Variants in TRIM44 observed in about 807,000 individuals in gnomAD.
TRIM44 encodes tripartite motif-containing protein 44.
A neutral mutation model predicts 37.4 loss-of-function variants in TRIM44; 13 were observed. The observed-to-expected ratio is 0.35, with a 90% CI of 0.23 to 0.55. The LOEUF (loss-of-function observed/expected upper bound fraction) is 0.55, where lower values mean the gene tolerates loss of function less well. Among genes scored for constraint, TRIM44 ranks in the 20% least tolerant of loss-of-function variants. TRIM44 has a pLI of 0.89. For missense variants in TRIM44, 426 were observed against 437.2 expected (o/e 0.97, Z 0.23); for synonymous variants, 175 against 157.2 (o/e 1.11, Z -0.85).
At chr11:35,671,664 A>C (rs1464891828) in intron 1 of TRIM44, among the ~76,000 whole-genome samples, 4 of 152,212 alleles carry the variant, frequency 2.6e-5, no homozygotes, top group African/African-American at 9.7e-5. Context: ...GAGCAGAAAA[A>C]CAGGGTGATC....
At chr11:35,674,836 G>C (rs1383360205) in intron 1 of TRIM44, among the ~76,000 whole-genome samples, 3 of 152,126 alleles carry the variant, frequency 2.0e-5, no homozygotes. Context: ...TTAGAGAAAA[G>C]GTACAAACAG....
chr11:35,697,685 T>C (rs548994528), intron 2 of TRIM44, among the ~76,000 whole-genome samples: 4 of 152,096 alleles, frequency 2.6e-5, no homozygotes, highest in South Asian at 2.1e-4. Flanking sequence ...TTCCCACCTA[T>C]GAGTGAGAAT....
intron 4 of TRIM44, among the ~76,000 whole-genome samples, chr11:35,745,317 A>G (rs1852473906): frequency 6.6e-6 from 1 of 152,140 alleles, no homozygotes; most frequent in African/African-American, 2.4e-5. Flanking sequence ...GGCTACTTGT[A>G]TGTCTTCTTT....
chr11:35,718,236 G>A (rs544020020), intron 2 of TRIM44, among the ~76,000 whole-genome samples: 30 of 152,158 alleles, frequency 2.0e-4, no homozygotes, highest in African/African-American at 7.0e-4. Flanking sequence ...TGACAAATCT[G>A]GGTATAAGGT....
rs759094125 is a variant in TRIM44, at chr11:35,735,406, T to C, written c.988-20T>C. The C allele has an allele frequency of 2.7e-5, 44 of 1,613,514 alleles. No individual in the cohort carries two copies. The Admixed American group carries it at 6.0e-4, about 22-fold the overall frequency. ...ACCAACAGTGATTTCTAATACTGTT[T>C]CTTTCTGTTTGTCTTTCAGGGCGAT... On this transcript the variant is annotated intron_variant, in intron 3 of 4. Transcript: ENST00000299413.
chr11:35,693,864 A>C (rs1470970869), intron 2 of TRIM44, among the ~76,000 whole-genome samples: 1 of 152,134 alleles, frequency 6.6e-6, no homozygotes, highest in South Asian at 2.1e-4. Context: ...CTGTATGCAA[A>C]CATTTAAAAC....
At chr11:35,697,389 A>G (rs1157117076) in intron 2 of TRIM44, among the ~76,000 whole-genome samples, 8 of 148,200 alleles carry the variant, frequency 5.4e-5, no homozygotes, top group East Asian at 2.0e-4. Context: ...CAAAGGACAT[A>G]AACTCATCCT....
At chr11:35,678,790 G>A (rs1401535766) in intron 1 of TRIM44, among the ~76,000 whole-genome samples, 1 of 152,088 alleles carries the variant, frequency 6.6e-6, no homozygotes, top group Non-Finnish European at 1.5e-5. Context: ...AGTAGAGATA[G>A]GGTTTCTCCA....
At chr11:35,780,874 C>T (rs1020280736) in intron 4 of TRIM44, among the ~76,000 whole-genome samples, 1 of 150,904 alleles carries the variant, frequency 6.6e-6, no homozygotes, top group East Asian at 2.0e-4. Context: ...TTATTAAGCA[C>T]CTACATTATG....
At chr11:35,673,782 C>T (rs2135484848) in intron 1 of TRIM44, among the ~76,000 whole-genome samples, 1 of 152,200 alleles carries the variant, frequency 6.6e-6, no homozygotes, top group South Asian at 2.1e-4. Context: ...TTCTTAGGCT[C>T]CTCTGGTGAT....
intron 4 of TRIM44, among the ~76,000 whole-genome samples, chr11:35,749,498 A>G (rs1226675921): frequency 6.6e-6 from 1 of 152,242 alleles, no homozygotes; most frequent in Non-Finnish European, 1.5e-5. Flanking sequence ...CAGCCTGGCC[A>G]ACATGGCAAA....
chr11:35,716,858 C>A (rs1852044703), intron 2 of TRIM44, among the ~76,000 whole-genome samples: 1 of 152,116 alleles, frequency 6.6e-6, no homozygotes, highest in African/African-American at 2.4e-5. Context: ...TGAATTTGGG[C>A]AGGTTTCTTA....
chr11:35,710,229 AT>A (rs1851950818), intron 2 of TRIM44, among the ~76,000 whole-genome samples: 1 of 152,162 alleles, frequency 6.6e-6, no homozygotes, highest in African/African-American at 2.4e-5. Context: ...TTCAGGCCAT[AT>A]TTAGTTTGCT....
intron 2 of TRIM44, among the ~76,000 whole-genome samples, chr11:35,715,551 C>G (rs896322793): frequency 2.0e-5 from 3 of 151,716 alleles, no homozygotes; most frequent in African/African-American, 7.3e-5. Context: ...TGTTAAGGAA[C>G]AATACAGAAT....
chr11:35,804,841 C>T (rs1338246676), intron 4 of TRIM44, among the ~76,000 whole-genome samples: 1 of 152,160 alleles, frequency 6.6e-6, no homozygotes, highest in Non-Finnish European at 1.5e-5. Context: ...TCTTTTGGCT[C>T]CTAGCATACA....
intron 4 of TRIM44, among the ~76,000 whole-genome samples, chr11:35,742,429 T>A (rs991872524): frequency 9.3e-5 from 13 of 139,920 alleles, no homozygotes; most frequent in African/African-American, 3.4e-4. Context: ...TGTTAATATA[T>A]TAATATTATA....
chr11:35,786,258 TACAA>T (rs1853129568), intron 4 of TRIM44, among the ~76,000 whole-genome samples: 2 of 152,234 alleles, frequency 1.3e-5, no homozygotes, highest in Admixed American at 1.3e-4. Flanking sequence ...GGATGCATTT[TACAA>T]ATGAGAAAAC....
At chr11:35,666,027 C>T (rs1851328401) in intron 1 of TRIM44, among the ~76,000 whole-genome samples, 1 of 151,892 alleles carries the variant, frequency 6.6e-6, no homozygotes, top group African/African-American at 2.4e-5. Flanking sequence ...AATACTTTTC[C>T]TTATGGTTAG....
chr11:35,717,195 ATTG>A (rs1365350792), intron 2 of TRIM44, among the ~76,000 whole-genome samples: 5 of 152,192 alleles, frequency 3.3e-5, no homozygotes, highest in African/African-American at 1.2e-4. Flanking sequence ...ATGGAATGAA[ATTG>A]TTAAGGCAGA....
Sources: gnomAD v4.1 joint callset for allele counts (sites outside exome capture counted in the v4.1 genomes callset) on GRCh38, gnomAD v4.1.1 for gene constraint, MANE v1.5 for transcripts, NCBI Gene and HGNC (gene_info 2026-07-23, HGNC 2026-07-21) for gene names.